Variants in KCNMA1 observed in about 807,000 individuals in gnomAD.
The protein encoded by KCNMA1 is potassium calcium-activated channel subfamily M alpha 1.
In KCNMA1, 29 loss-of-function variants were observed where a neutral mutation model predicts 140.0. The ratio of observed to expected loss-of-function variants is 0.21; its 90% confidence interval spans 0.15 to 0.28. KCNMA1 has a LOEUF of 0.28. Among genes scored for constraint, KCNMA1 ranks in the 10% least tolerant of loss-of-function variants. KCNMA1 has a pLI of 1.00. For synonymous variants in KCNMA1, 612 were observed against 611.9 expected (o/e 1.00, Z 0.00); for missense variants, 880 against 1,602.2 (o/e 0.55, Z 7.70).
intron 18 of KCNMA1, among the ~76,000 whole-genome samples, chr10:77,009,527 C>A (rs899706744): frequency 3.9e-5 from 6 of 152,300 alleles, no homozygotes; most frequent in Admixed American, 3.9e-4. Context: ...CGAGAATGCT[C>A]TCCATCCAGA....
chr10:76,923,262 C>T (rs1454270574), intron 23 of KCNMA1, among the ~76,000 whole-genome samples: 1 of 152,070 alleles, frequency 6.6e-6, no homozygotes, highest in South Asian at 2.1e-4. Context: ...CAGGACTTGT[C>T]TCTCCAAGCA....
chr10:77,165,670 C>T (rs1028560413), intron 5 of KCNMA1, among the ~76,000 whole-genome samples: 27 of 152,166 alleles, frequency 1.8e-4, no homozygotes, highest in African/African-American at 6.0e-4. Context: ...TGGTTTTCTG[C>T]GGGGAGTTGT....
intron 14 of KCNMA1, among the ~76,000 whole-genome samples, chr10:77,054,655 T>C (rs960952044): frequency 5.3e-5 from 8 of 152,214 alleles, no homozygotes; most frequent in African/African-American, 1.7e-4. Context: ...TCTCCGAACA[T>C]GAAACCCTAA....
At chr10:77,388,770 T>C (rs575515380) in intron 2 of KCNMA1, among the ~76,000 whole-genome samples, 1 of 152,358 alleles carries the variant, frequency 6.6e-6, no homozygotes, top group African/African-American at 2.4e-5. Context: ...TCTCTCTATC[T>C]GTATCTCTCC....
At chr10:77,463,537 A>G (rs1437717947) in intron 1 of KCNMA1, among the ~76,000 whole-genome samples, 1 of 152,210 alleles carries the variant, frequency 6.6e-6, no homozygotes, top group Non-Finnish European at 1.5e-5. Context: ...GCCGCTCTGC[A>G]AGTTAAGTAA....
At chr10:77,217,286 C>A (rs1244752834) in intron 3 of KCNMA1, among the ~76,000 whole-genome samples, 5 of 150,422 alleles carry the variant, frequency 3.3e-5, no homozygotes, top group African/African-American at 9.8e-5. Flanking sequence ...ACCTGGGTGA[C>A]TCTGTCTCAA....
At chr10:77,285,231 T>G (rs977441069) in intron 2 of KCNMA1, among the ~76,000 whole-genome samples, 2 of 152,214 alleles carry the variant, frequency 1.3e-5, no homozygotes, top group African/African-American at 2.4e-5. Flanking sequence ...ATACTTATGC[T>G]AAATATGTAA....
chr10:77,326,744 C>A (rs1016412214), intron 2 of KCNMA1, among the ~76,000 whole-genome samples: 12 of 152,284 alleles, frequency 7.9e-5, no homozygotes, highest in African/African-American at 2.9e-4. Flanking sequence ...ATCACGTTAC[C>A]AGGGAAAGAG....
At chr10:77,538,150 C>T (rs1454956747) in intron 1 of KCNMA1, among the ~76,000 whole-genome samples, 1 of 151,768 alleles carries the variant, frequency 6.6e-6, no homozygotes, top group Non-Finnish European at 1.5e-5. Context: ...CACATACACA[C>T]TCTACACATA....
At chr10:76,949,104 A>G in intron 22 of KCNMA1, 38 bp downstream of exon 22, 1 of 1,446,114 alleles carries the variant, frequency 6.9e-7, no homozygotes, top group Non-Finnish European at 9.7e-7. Flanking sequence ...TGTGAATGAA[A>G]AGAAGAAAAG....
chr10:77,470,963 C>G (rs1000914759), intron 1 of KCNMA1, among the ~76,000 whole-genome samples: 1 of 152,098 alleles, frequency 6.6e-6, no homozygotes, highest in Non-Finnish European at 1.5e-5. Flanking sequence ...GAGAGGCAGC[C>G]CGGCTCATCC....
chr10:76,945,298 A>G (rs1182022754), intron 22 of KCNMA1, among the ~76,000 whole-genome samples: 1 of 152,132 alleles, frequency 6.6e-6, no homozygotes, highest in Non-Finnish European at 1.5e-5. Flanking sequence ...CCTGCCTGGA[A>G]ATTGTCTTGA....
chr10:77,260,334 G>A (rs1730478084), intron 2 of KCNMA1, among the ~76,000 whole-genome samples: 1 of 152,150 alleles, frequency 6.6e-6, no homozygotes, highest in Admixed American at 6.5e-5. Flanking sequence ...GAAGGATTTG[G>A]TCGGATGGCA....
chr10:77,488,808 CA>C (rs1033982129), intron 1 of KCNMA1, among the ~76,000 whole-genome samples: 3 of 152,242 alleles, frequency 2.0e-5, no homozygotes. Flanking sequence ...CAATCAGGGG[CA>C]AAGTTGCCAC....
chr10:76,917,487 T>A (rs1412047259), intron 23 of KCNMA1, among the ~76,000 whole-genome samples: 1 of 152,236 alleles, frequency 6.6e-6, no homozygotes, highest in Admixed American at 6.5e-5. Context: ...TTCCTTTGCA[T>A]GAAACCTTCA....
rs557288679 is a variant in KCNMA1 at position 77,628,682 on chromosome 10, C to T, written c.378+8583G>A. 3.5e-4 allele frequency among the ~76,000 whole-genome samples: 53 copies of T among 151,862 alleles called. No individual in the cohort carries two copies. The Middle Eastern group carries it at 0.017, about 49-fold the overall frequency. ...AAAAAAAATCTAAAATCCTATTTTT[C>T]CTTTTTAAAAAAACACCCCTTCCCC... is the stretch of plus-strand genomic sequence containing the variant. On this transcript the variant is annotated intron_variant, in intron 1 of 27. Coordinates refer to ENST00000286628, the MANE Select transcript of KCNMA1 (RefSeq NM_001161352.2).
intron 11 of KCNMA1, among the ~76,000 whole-genome samples, 160 bp downstream of exon 11, chr10:77,086,328 G>C (rs980255319): frequency 1.3e-5 from 2 of 152,144 alleles, no homozygotes; most frequent in Admixed American, 1.3e-4. Context: ...ACCAGTGGAA[G>C]GGTGACCTCA....
intron 1 of KCNMA1, among the ~76,000 whole-genome samples, chr10:77,468,605 G>A (rs111687058): frequency 0.023 from 3,544 of 152,178 alleles, 155 homozygotes; most frequent in African/African-American, 0.081. Flanking sequence ...GAGAGTCCTG[G>A]AACCGATCCT....
chr10:77,262,943 A>C (rs903692904), intron 2 of KCNMA1, among the ~76,000 whole-genome samples: 1 of 152,222 alleles, frequency 6.6e-6, no homozygotes, highest in Non-Finnish European at 1.5e-5. Flanking sequence ...AATGTACTAA[A>C]AGCCACTGAA....
Sources: gnomAD v4.1 joint callset for allele counts (sites outside exome capture counted in the v4.1 genomes callset) on GRCh38, gnomAD v4.1.1 for gene constraint, MANE v1.5 for transcripts, NCBI Gene and HGNC (gene_info 2026-07-23, HGNC 2026-07-21) for gene names.